Variants in CLVS1 observed in about 807,000 individuals in gnomAD.
The protein encoded by CLVS1 is clavesin-1.
In CLVS1, 10 loss-of-function variants were observed where a neutral mutation model predicts 33.1. The ratio of observed to expected loss-of-function variants is 0.30; its 90% CI spans 0.19 to 0.51. CLVS1 has a LOEUF of 0.51. Ranked by LOEUF, CLVS1 falls within the 20% of genes least tolerant of loss-of-function variation. The pLI, the probability that CLVS1 is intolerant of heterozygous loss-of-function variation, is 0.97. For synonymous variants in CLVS1, 163 were observed against 166.1 expected, an observed-to-expected ratio of 0.98 and a Z score of 0.14; for missense variants, 343 against 433.4, an observed-to-expected ratio of 0.79 and a Z score of 1.85.
chr8:61,415,214 TG>T (rs759906569), intron 3 of CLVS1, among the ~76,000 whole-genome samples: 1 of 152,246 alleles, frequency 6.6e-6, no homozygotes, highest in Non-Finnish European at 1.5e-5. Context: ...ACCCACTTTT[TG>T]TGTTATTCAT....
intron 2 of CLVS1, among the ~76,000 whole-genome samples, chr8:61,351,569 A>T (rs1812463618): frequency 1.3e-5 from 2 of 152,262 alleles, no homozygotes; most frequent in South Asian, 4.1e-4. Flanking sequence ...TTAAAAAAAA[A>T]TACAAACTTA....
At chr8:61,352,816 A>G (rs1364536051) in intron 2 of CLVS1, among the ~76,000 whole-genome samples, 1 of 152,074 alleles carries the variant, frequency 6.6e-6, no homozygotes, top group Non-Finnish European at 1.5e-5. Flanking sequence ...AAAATAATAC[A>G]AATAAAAACA....
At chr8:60,992,506 G>GA in the CLVS1 span, among the ~76,000 whole-genome samples, 1 of 152,232 alleles carries the variant, frequency 6.6e-6, no homozygotes, top group Non-Finnish European at 1.5e-5. Flanking sequence ...GGAGCCATCT[G>GA]AAGCAGAGGT....
At chr8:61,273,458 T>C (rs1424868398) in intron 2 of CLVS1, among the ~76,000 whole-genome samples, 1 of 152,196 alleles carries the variant, frequency 6.6e-6, no homozygotes, top group Non-Finnish European at 1.5e-5. Flanking sequence ...GTCTGTGCCC[T>C]GCCCCCAGAG....
At chr8:61,204,909 A>T (rs2129305868) in intron 2 of CLVS1, among the ~76,000 whole-genome samples, 1 of 152,324 alleles carries the variant, frequency 6.6e-6, no homozygotes, top group East Asian at 1.9e-4. Context: ...CCATTTGAGG[A>T]TGTATGTGTT....
rs182028270 is a variant in CLVS1, at chr8:61,192,687, A to G, written c.-152+60827A>G. Among the ~76,000 whole-genome samples the G allele has an allele frequency of 8.6e-4, 131 of 152,202 alleles. 1 individual carries two copies. Among genetic ancestry groups the G allele is most frequent in the Admixed American group, 3.1e-3 (47 of 15,282 alleles). ...CAAATTTACAAGAAAAAAACAAACA[A>G]CCCCATCAAAAAGTGGGCAAAGGAT... On this transcript the variant is annotated intron_variant, in intron 2 of 2. Transcript: ENST00000522621.
the CLVS1 span, among the ~76,000 whole-genome samples, chr8:61,029,051 C>T: frequency 1.3e-5 from 2 of 152,186 alleles, no homozygotes; most frequent in Admixed American, 1.3e-4. Flanking sequence ...CAACAATAAA[C>T]ATAATAGCTA....
chr8:61,261,975 CGT>C (rs57278209), intron 2 of CLVS1, among the ~76,000 whole-genome samples: 16,652 of 110,324 alleles, frequency 0.15, 884 homozygotes, highest in Non-Finnish European at 0.2. Context: ...CTCATTGCTG[CGT>C]GTGTGTGTGT....
At chr8:61,070,096 C>T (rs1804765745) in intron 1 of CLVS1, among the ~76,000 whole-genome samples, 1 of 152,124 alleles carries the variant, frequency 6.6e-6, no homozygotes, top group Non-Finnish European at 1.5e-5. Context: ...CCTGGCCTCT[C>T]CAGGTTTTTC....
intron 2 of CLVS1, among the ~76,000 whole-genome samples, chr8:61,186,112 A>G (rs1397825749): frequency 2.6e-5 from 4 of 152,176 alleles, no homozygotes; most frequent in Non-Finnish European, 4.4e-5. Flanking sequence ...TGTCTCTCTG[A>G]CATCTCATGC....
chr8:61,073,702 C>G (rs1448734223), intron 1 of CLVS1, among the ~76,000 whole-genome samples: 1 of 151,960 alleles, frequency 6.6e-6, no homozygotes, highest in Non-Finnish European at 1.5e-5. Context: ...TAGTCTAATA[C>G]AGTACTGTTA....
chr8:61,493,446 C>T (rs1804163754), intron 5 of CLVS1, among the ~76,000 whole-genome samples: 1 of 152,112 alleles, frequency 6.6e-6, no homozygotes, highest in African/African-American at 2.4e-5. Context: ...AAACACTTTC[C>T]ACACCTTAAT....
chr8:61,233,746 G>A (rs888260598), intron 2 of CLVS1, among the ~76,000 whole-genome samples: 1 of 152,208 alleles, frequency 6.6e-6, no homozygotes, highest in East Asian at 1.9e-4. Flanking sequence ...CAGGCACAGT[G>A]TCCGTGGAGC....
intron 2 of CLVS1, among the ~76,000 whole-genome samples, chr8:61,375,888 A>G (rs979427412): frequency 3.3e-5 from 5 of 152,248 alleles, no homozygotes; most frequent in Non-Finnish European, 7.3e-5. Flanking sequence ...GCAAATGGGC[A>G]TATATGATGT....
rs899637878 is a variant in CLVS1 at position 61,379,544 on chromosome 8, C to A, written c.630+2765C>A. On this transcript the variant is annotated intron_variant, in intron 3 of 5. Coordinates refer to ENST00000325897, the MANE Select transcript of CLVS1 (RefSeq NM_173519.3). ...CACAGCATGGTTCCAGAACCTGGAG[C>A]TTTAGTCCTATTACCATGGTTCCTA... is the stretch of plus-strand genomic sequence containing the variant. Among the ~76,000 whole-genome samples the A allele has an allele frequency of 2.6e-5, 4 of 152,138 alleles. No homozygotes were observed. In the East Asian group the frequency reaches 7.7e-4, roughly 29 times the overall value.
chr8:61,011,529 A>AC, the CLVS1 span, among the ~76,000 whole-genome samples: 2 of 152,128 alleles, frequency 1.3e-5, no homozygotes, highest in Non-Finnish European at 2.9e-5. Flanking sequence ...GCTCACTGCA[A>AC]CATCCACCTC....
chr8:61,326,583 G>A (rs1048194376), intron 2 of CLVS1, among the ~76,000 whole-genome samples: 2 of 152,170 alleles, frequency 1.3e-5, no homozygotes, highest in East Asian at 1.9e-4. Flanking sequence ...GGTGCAAGAA[G>A]CCTCTACCTC....
chr8:61,094,678 G>T (rs374223271), intron 1 of CLVS1, among the ~76,000 whole-genome samples: 1 of 152,106 alleles, frequency 6.6e-6, no homozygotes, highest in African/African-American at 2.4e-5. Flanking sequence ...CTTGACTGGC[G>T]TCCTTGTAGA....
intron 1 of CLVS1, among the ~76,000 whole-genome samples, chr8:61,121,752 A>G (rs1038625863): frequency 3.3e-5 from 5 of 152,208 alleles, no homozygotes; most frequent in African/African-American, 1.2e-4. Context: ...TTCATAACAG[A>G]AACACACCCA....
Sources: allele counts gnomAD v4.1 joint callset (sites outside exome capture counted in the v4.1 genomes callset), GRCh38; gene constraint gnomAD v4.1.1; transcripts MANE v1.5; gene names NCBI Gene and HGNC (gene_info 2026-07-23, HGNC 2026-07-21).